LATS1: variants seen among roughly 807,000 people sequenced by gnomAD.
LATS1 encodes serine/threonine-protein kinase LATS1.
Under a neutral mutation model 106.6 loss-of-function variants are expected in LATS1, and 25 were observed. The ratio of observed to expected loss-of-function variants is 0.23; its 90% CI spans 0.17 to 0.33. LATS1 has a LOEUF of 0.33. Ranked by LOEUF, LATS1 falls within the 10% of genes least tolerant of loss-of-function variation. LATS1 has a pLI of 1.00. For synonymous variants in LATS1, 465 were observed against 455.6 expected, an observed-to-expected ratio of 1.02 and a Z score of -0.26; for missense variants, 1,040 against 1,382.6, an observed-to-expected ratio of 0.75 and a Z score of 3.93.
rs61694477 is a variant in LATS1 at position 149,661,115 on chromosome 6, TG to T, written c.*613del. ...ATTAAATATTCCATGGGGCGGGGGG[TG>T]GGGGGGAAGATAAATGCATTATTTT... On this transcript the variant is annotated 3_prime_UTR_variant, in exon 8 of 8. Coordinates refer to ENST00000543571, the MANE Select transcript of LATS1 (RefSeq NM_004690.4). 7.6e-5 allele frequency: 9 copies of T among 117,758 alleles called. No homozygotes were observed. Among genetic ancestry groups the T allele is most frequent in the African/African-American group, 2.0e-4 (5 of 25,472 alleles). 7.3% of individuals were successfully genotyped at this position (117,758 alleles called of 1,614,324 possible).
Position 149,684,552 on chromosome 6 carries a change from T to C in LATS1, c.537A>G (p.Lys179=), listed in dbSNP as rs1782253654. The C allele has an allele frequency of 1.2e-6, 2 of 1,608,946 alleles. No homozygotes were observed. The highest frequency in any genetic ancestry group is 1.1e-5 in the South Asian group (1 of 90,910). Residue 179 remains lysine (K), a synonymous_variant, in exon 4 of 8, where the codon AAA becomes AAG. Coordinates refer to ENST00000543571, the MANE Select transcript of LATS1 (RefSeq NM_004690.4). ...QQSVNRKQSW[K]GSKESLVPQR... The stretch of plus-strand genomic sequence containing the variant: ...GAGGAACTAAGGATTCTTTAGAACC[T>C]TTCCAGCTCTGTTTGCGGTTAACTG...
At chr6:149,686,287 G>A (rs574630591) in intron 3 of LATS1, among the ~76,000 whole-genome samples, 1 of 152,160 alleles carries the variant, frequency 6.6e-6, no homozygotes, top group South Asian at 2.1e-4. Flanking sequence ...AATGTTTGGG[G>A]AACATTATCA....
chr6:149,668,860 G>C (rs1781300167), intron 7 of LATS1, among the ~76,000 whole-genome samples: 1 of 151,784 alleles, frequency 6.6e-6, no homozygotes. Flanking sequence ...GTGTGCAGTG[G>C]TACACTCTTA....
Position 149,683,290 on chromosome 6 carries a change from A to T in LATS1, c.1799T>A (p.Val600Asp). ...TTTCTTTTCTTTATCCCCACTATCA[A>T]CATTTTCATAACTCTTTTCACTCTC... is the stretch of plus-strand genomic sequence containing the variant. ...EDESEKSYEN[V>D]DSGDKEKKQI... Residue 600 changes from valine (V) to aspartate (D), a missense_variant, in exon 4 of 8, where the codon GTT becomes GAT. By Grantham distance (152) the Val-to-Asp change is radical. Transcript: ENST00000543571. The T allele has an allele frequency of 6.2e-7, 1 of 1,614,074 alleles. No homozygotes were observed. The highest frequency in any genetic ancestry group is 8.5e-7 in the Non-Finnish European group (1 of 1,179,984).
intron 3 of LATS1, among the ~76,000 whole-genome samples, chr6:149,685,674 C>T (rs1409410496): frequency 1.3e-5 from 2 of 152,170 alleles, no homozygotes; most frequent in African/African-American, 4.8e-5. Flanking sequence ...GTGTGAGCCA[C>T]TGCACCTGGC....
intron 3 of LATS1, among the ~76,000 whole-genome samples, chr6:149,686,095 A>C (rs929491660): frequency 6.6e-6 from 1 of 152,194 alleles, no homozygotes; most frequent in African/African-American, 2.4e-5. Flanking sequence ...AATACTAATA[A>C]ATTTGAAAGG....
chr6:149,678,547 T>C (rs1188667221), intron 5 of LATS1, among the ~76,000 whole-genome samples: 1 of 152,244 alleles, frequency 6.6e-6, no homozygotes, highest in African/African-American at 2.4e-5. Flanking sequence ...TCTACCCATT[T>C]TAATGTCAAT....
chr6:149,696,228 T>A (rs1486688848), intron 2 of LATS1, among the ~76,000 whole-genome samples: 4 of 148,028 alleles, frequency 2.7e-5, no homozygotes, highest in Admixed American at 1.4e-4. Flanking sequence ...ATATAAACAA[T>A]CAGAGACTAT....
At chr6:149,715,229 G>A (rs1199012193) in intron 1 of LATS1, among the ~76,000 whole-genome samples, 1 of 151,776 alleles carries the variant, frequency 6.6e-6, no homozygotes, top group Non-Finnish European at 1.5e-5. Flanking sequence ...CTACCACACC[G>A]AGCTAATTTT....
intron 7 of LATS1, among the ~76,000 whole-genome samples, chr6:149,663,956 C>T (rs966569836): frequency 2.0e-5 from 3 of 151,580 alleles, no homozygotes; most frequent in Non-Finnish European, 4.4e-5. Context: ...TACAGGTGCC[C>T]GCCACCTCGC....
chr6:149,704,167 C>G (rs1308610100), intron 1 of LATS1, among the ~76,000 whole-genome samples: 1 of 152,122 alleles, frequency 6.6e-6, no homozygotes, highest in African/African-American at 2.4e-5. Context: ...CCGTGCCCAG[C>G]TAATTTTGTA....
chr6:149,661,932 A>G lies in LATS1; in HGVS notation c.3190T>C (p.Trp1064Arg). The G allele has an allele frequency of 2.5e-6, 4 of 1,613,996 alleles. No individual in the cohort carries two copies. Among genetic ancestry groups the G allele is most frequent in the Non-Finnish European group, 1.7e-6 (2 of 1,179,944 alleles). The change falls in exon 8 of 8, where the codon TGG (tryptophan) becomes CGG (arginine). Residue 1064 changes from tryptophan (W) to arginine (R), a missense_variant. Trp to Arg is a moderately radical substitution (Grantham distance 101). This residue lies in a region of LATS1 where 113 missense variants were observed against 146.3 expected (regional missense o/e 0.77). Transcript: ENST00000543571. ...TCAGGATGCTTTCCATTTTTATACC[A>G]TCCATTGAGAGTGTCATTTACATTT... is the stretch of plus-strand genomic sequence containing the variant. ...EENVNDTLNG[W>R]YKNGKHPEHA...
At chr6:149,717,135 T>A (rs978464173) in intron 1 of LATS1, among the ~76,000 whole-genome samples, 2 of 152,226 alleles carry the variant, frequency 1.3e-5, no homozygotes, top group Non-Finnish European at 2.9e-5. Context: ...GATACATGTT[T>A]TAAAAGCCGT....
chr6:149,708,225 G>T (rs1783892768), intron 1 of LATS1, among the ~76,000 whole-genome samples: 1 of 151,910 alleles, frequency 6.6e-6, no homozygotes, highest in Non-Finnish European at 1.5e-5. Flanking sequence ...GACCACCCTG[G>T]TCAATATGGT....
intron 5 of LATS1, 50 bp downstream of exon 5, chr6:149,679,825 A>G (rs759043772): frequency 1.5e-6 from 2 of 1,308,390 alleles, no homozygotes; most frequent in African/African-American, 3.0e-5. Context: ...CTACATCAAT[A>G]AATTACATTA....
intron 7 of LATS1, among the ~76,000 whole-genome samples, chr6:149,671,665 C>A (rs563978211): frequency 3.3e-5 from 5 of 151,576 alleles, no homozygotes; most frequent in Non-Finnish European, 5.9e-5. Context: ...GTAGTTGAAC[C>A]CTCCAACTTT....
chr6:149,715,742 A>T (rs1270305497), intron 1 of LATS1, among the ~76,000 whole-genome samples: 2 of 152,214 alleles, frequency 1.3e-5, no homozygotes, highest in Non-Finnish European at 2.9e-5. Flanking sequence ...AATGCCTTCT[A>T]GAAAGTTATA....
chr6:149,691,907 T>C (rs1050922643), intron 3 of LATS1, among the ~76,000 whole-genome samples: 3 of 152,130 alleles, frequency 2.0e-5, no homozygotes, highest in African/African-American at 7.2e-5. Flanking sequence ...ACCTAAGTTA[T>C]CCCCTTCTAC....
At chr6:149,699,444 T>C (rs1052016087) in intron 2 of LATS1, among the ~76,000 whole-genome samples, 1 of 151,860 alleles carries the variant, frequency 6.6e-6, no homozygotes, top group Non-Finnish European at 1.5e-5. Flanking sequence ...TCCCCAAGTT[T>C]GCATTTTGAC....
Sources: allele counts gnomAD v4.1 joint callset (sites outside exome capture counted in the v4.1 genomes callset), GRCh38; gene constraint gnomAD v4.1.1; regional missense constraint gnomAD v4.1.1; transcripts MANE v1.5; gene names NCBI Gene and HGNC (gene_info 2026-07-23, HGNC 2026-07-21).